GLG1: variants seen among roughly 807,000 people sequenced by gnomAD.
GLG1 encodes the protein golgi glycoprotein 1.
GLG1 carries 38 observed loss-of-function variants against 160.5 expected under a neutral mutation model. The observed-to-expected ratio is 0.24, with a 90% confidence interval of 0.18 to 0.31. The LOEUF (loss-of-function observed/expected upper bound fraction) is 0.31, where lower values mean the gene tolerates loss of function less well. Among genes scored for constraint, GLG1 ranks in the 10% least tolerant of loss-of-function variants. GLG1 has a pLI of 1.00. For synonymous variants in GLG1, 644 were observed against 543.4 expected (o/e 1.19, Z -2.57); for missense variants, 1,373 against 1,505.2 (o/e 0.91, Z 1.45).
chr16:74,483,801 G>A (rs1359621461), intron 9 of GLG1, among the ~76,000 whole-genome samples: 1 of 151,852 alleles, frequency 6.6e-6, no homozygotes, highest in Admixed American at 6.6e-5. Flanking sequence ...GGGACTACAG[G>A]CACCCACCAC....
At chr16:74,600,404 A>G (rs1958413744) in intron 1 of GLG1, among the ~76,000 whole-genome samples, 1 of 151,976 alleles carries the variant, frequency 6.6e-6, no homozygotes, top group African/African-American at 2.4e-5. Flanking sequence ...AAGAAAAAAA[A>G]GAACAAGGAC....
chr16:74,498,906 T>C (rs889873011), intron 4 of GLG1, among the ~76,000 whole-genome samples: 24 of 134,908 alleles, frequency 1.8e-4, no homozygotes, highest in Non-Finnish European at 3.3e-4. Context: ...TAAAACCAAG[T>C]AGCGTAACAT....
intron 2 of GLG1, among the ~76,000 whole-genome samples, chr16:74,524,641 G>A (rs2017281128): frequency 6.6e-6 from 1 of 151,860 alleles, no homozygotes; most frequent in Non-Finnish European, 1.5e-5. Context: ...CAAAGGGAGG[G>A]GAAGTACATA....
At chr16:74,469,179 C>T in intron 16 of GLG1, 116 bp from the exon 17 acceptor site, 1 of 717,090 alleles carries the variant, frequency 1.4e-6, no homozygotes, top group Non-Finnish European at 2.5e-6. Flanking sequence ...GGGGGAATGT[C>T]TTTCCTGTAA....
intron 1 of GLG1, among the ~76,000 whole-genome samples, chr16:74,603,540 G>C (rs9921672): frequency 4.0e-5 from 6 of 151,868 alleles, no homozygotes; most frequent in Admixed American, 3.9e-4. Flanking sequence ...CCTCCCAAAG[G>C]GCTAGGATTT....
chr16:74,456,395 C>T (rs1018812814), intron 25 of GLG1: 4 of 423,034 alleles, frequency 9.5e-6, no homozygotes, highest in Non-Finnish European at 1.7e-5. Context: ...CTCCTGACCT[C>T]GTGATCTGCC....
chr16:74,517,179 G>C (rs1416598891), intron 2 of GLG1, among the ~76,000 whole-genome samples: 1 of 152,174 alleles, frequency 6.6e-6, no homozygotes, highest in Non-Finnish European at 1.5e-5. Context: ...TAGAAAAAGA[G>C]AGAATCCTCC....
At position 74,467,763 on chromosome 16, in the gene GLG1, T is replaced by G; in HGVS notation, c.2522A>C (p.Asn841Thr). 1 of 1,602,150 alleles carries G rather than the reference T, an allele frequency of 6.2e-7. No individual in the cohort carries two copies. The highest frequency in any genetic ancestry group is 8.5e-7 in the Non-Finnish European group (1 of 1,169,646). The change falls in exon 18 of 26, where the codon AAC (asparagine) becomes ACC (threonine). Residue 841 changes from asparagine (N) to threonine (T), a missense_variant. Physicochemically the swap from Asn to Thr is moderately conservative, Grantham distance 65. This residue lies in a region of GLG1 where 491 missense variants were observed against 632.1 expected (regional missense o/e 0.78). Coordinates refer to ENST00000422840, the MANE Select transcript of GLG1 (RefSeq NM_001145667.2). The stretch of plus-strand genomic sequence containing the variant: ...AGAAAAGCAAAAAGTTACCTGAGCG[T>G]TGCCATATTGCACAGCGGAACAGAA... ...KNFCSAVQYG[N>T]AQIIECLKEN...
chr16:74,475,997 C>T (rs1447981867), intron 12 of GLG1, among the ~76,000 whole-genome samples: 1 of 152,014 alleles, frequency 6.6e-6, no homozygotes, highest in Non-Finnish European at 1.5e-5. Context: ...GCATGGGTAA[C>T]ATGGTGAAAC....
rs539603311 is a variant in GLG1, at chr16:74,582,652, C to A, written c.438+24005G>T. ...TGGCTAACACAGTGAAACCCTGTCT[C>A]TACTAAAAATACAAAAATTAGCCGG... is the stretch of plus-strand genomic sequence containing the variant. On this transcript the variant is annotated intron_variant, in intron 1 of 25. Coordinates refer to ENST00000422840, the MANE Select transcript of GLG1 (RefSeq NM_001145667.2). 3.4e-3 allele frequency among the ~76,000 whole-genome samples: 519 copies of A among 151,336 alleles called. 1 individual carries two copies. The highest frequency in any genetic ancestry group is 0.012 in the African/African-American group (489 of 41,302).
At chr16:74,470,211 G>A (rs1597234329) in intron 15 of GLG1, 138 bp from the exon 16 acceptor site, 5 of 660,356 alleles carry the variant, frequency 7.6e-6, no homozygotes, top group South Asian at 3.4e-5. Flanking sequence ...GAGACATCAC[G>A]ACCTGCTCAT....
intron 1 of GLG1, among the ~76,000 whole-genome samples, chr16:74,544,370 A>G (rs2017983951): frequency 6.6e-6 from 1 of 152,192 alleles, no homozygotes; most frequent in South Asian, 2.1e-4. Context: ...CTGGACTGCA[A>G]TGGCACAATC....
chr16:74,576,504 A>T (rs1229852139), intron 1 of GLG1, among the ~76,000 whole-genome samples: 1 of 152,192 alleles, frequency 6.6e-6, no homozygotes, highest in Admixed American at 6.5e-5. Context: ...TGCAGAACAC[A>T]TACAATCTCT....
intron 1 of GLG1, among the ~76,000 whole-genome samples, chr16:74,588,593 A>G (rs751310301): frequency 1.3e-5 from 2 of 151,940 alleles, no homozygotes; most frequent in Non-Finnish European, 2.9e-5. Flanking sequence ...TAATTTTTGT[A>G]TGTTTTGTAG....
chr16:74,570,653 T>C (rs2018798418), intron 1 of GLG1, among the ~76,000 whole-genome samples: 1 of 152,114 alleles, frequency 6.6e-6, no homozygotes, highest in African/African-American at 2.4e-5. Flanking sequence ...CACAACACTT[T>C]GGGACGCCAG....
rs772918405 is a variant in GLG1 at position 74,452,130 on chromosome 16, G to A, written c.*1037C>T. On this transcript the variant is annotated 3_prime_UTR_variant, in exon 26 of 26. Transcript: ENST00000422840. ...GCCATTGTCTCTGACCTGTATTGTAGCCTGAAAAATAAAGCAAAGTGAGTC... is the reference window on the plus strand; with the variant it reads ...GCCATTGTCTCTGACCTGTATTGTAACCTGAAAAATAAAGCAAAGTGAGTC... 3 of 1,613,872 alleles carry A rather than the reference G, an allele frequency of 1.9e-6. No homozygotes were observed. In the South Asian group the frequency reaches 3.3e-5, roughly 18 times the overall value.
At position 74,458,162 on chromosome 16, in the gene GLG1, T is replaced by G. The variant is rs2014636103; in HGVS notation, c.3145-168A>C. ...TGGTGATGATGTACAGAATGCAGAATTTAATTGAGTAACTAACTACTTTTA... is the reference window on the plus strand; with the variant it reads ...TGGTGATGATGTACAGAATGCAGAAGTTAATTGAGTAACTAACTACTTTTA... On this transcript the variant is annotated intron_variant, in intron 23 of 25. Transcript: ENST00000422840. 1.1e-5 allele frequency: 6 copies of G among 554,846 alleles called. No individual in the cohort carries two copies. The South Asian group carries it at 1.7e-4, about 15-fold the overall frequency. The allele number at this position is 554,846 out of a possible 1,614,324, so 34.4% of individuals were successfully genotyped here.
At chr16:74,520,463 C>G (rs1227540084) in intron 2 of GLG1, among the ~76,000 whole-genome samples, 1 of 152,110 alleles carries the variant, frequency 6.6e-6, no homozygotes, top group Non-Finnish European at 1.5e-5. Flanking sequence ...ATGTAGAAAC[C>G]CTATCTCTAC....
At position 74,526,584 on chromosome 16, in the gene GLG1, C is replaced by T. The variant is rs11859888; in HGVS notation, c.471+5537G>A. ...ACAAAAAATACAAAAATTAGCAGGGCATGGTGGTGTGCATCTGTAGTCCCA... is the reference window on the plus strand; with the variant it reads ...ACAAAAAATACAAAAATTAGCAGGGTATGGTGGTGTGCATCTGTAGTCCCA... On this transcript the variant is annotated intron_variant, in intron 2 of 25. Transcript: ENST00000422840. Among the ~76,000 whole-genome samples the T allele has an allele frequency of 8.2e-3, 1,248 of 151,458 alleles. 17 individuals are homozygous for T. The highest frequency in any genetic ancestry group is 0.029 in the African/African-American group (1,188 of 41,262).
Sources: allele counts gnomAD v4.1 joint callset (sites outside exome capture counted in the v4.1 genomes callset), GRCh38; gene constraint gnomAD v4.1.1; regional missense constraint gnomAD v4.1.1; transcripts MANE v1.5; gene names NCBI Gene and HGNC (gene_info 2026-07-23, HGNC 2026-07-21).